The following CDC14A variants were observed in gnomAD, a reference collection of about 807,000 sequenced individuals.
CDC14A encodes dual specificity protein phosphatase CDC14A.
In CDC14A, 53 loss-of-function variants were observed where a neutral mutation model predicts 74.4. The ratio of observed to expected loss-of-function variants is 0.71; its 90% CI spans 0.57 to 0.89. The LOEUF (loss-of-function observed/expected upper bound fraction) is 0.89, where lower values mean the gene tolerates loss of function less well. Ranked by LOEUF, CDC14A falls within the 40% of genes least tolerant of loss-of-function variation. The probability of loss-of-function intolerance (pLI) is 0.00; values close to 1 mark genes in which losing one functional copy is unlikely to be tolerated. For missense variants in CDC14A, 646 were observed against 713.7 expected (o/e 0.91, Z 1.08); for synonymous variants, 247 against 258.4 (o/e 0.96, Z 0.43).
At chr1:100,427,369 C>T (rs1201986090) in intron 5 of CDC14A, among the ~76,000 whole-genome samples, 1 of 151,980 alleles carries the variant, frequency 6.6e-6, no homozygotes, top group Non-Finnish European at 1.5e-5. Context: ...TCTGTGTTCC[C>T]ATTTGTGCTA....
At chr1:100,450,488 C>T (rs1666025617) in intron 7 of CDC14A, among the ~76,000 whole-genome samples, 1 of 152,168 alleles carries the variant, frequency 6.6e-6, no homozygotes, top group African/African-American at 2.4e-5. Context: ...ATGTCCTCAC[C>T]ACCTGGAGCA....
chr1:100,372,803 C>T (rs141811799), intron 2 of CDC14A, among the ~76,000 whole-genome samples: 2 of 152,206 alleles, frequency 1.3e-5, no homozygotes, highest in African/African-American at 4.8e-5. Flanking sequence ...GAACCAACCT[C>T]TGCTAACTTC....
intron 11 of CDC14A, 109 bp downstream of exon 11, chr1:100,484,560 C>T: frequency 2.2e-6 from 3 of 1,343,902 alleles, no homozygotes; most frequent in Non-Finnish European, 2.9e-6. Flanking sequence ...GCCACGAGTA[C>T]CAAGTTTTTA....
Position 100,352,564 on chromosome 1 carries a change from C to T in CDC14A, c.-391C>T. On this transcript the variant is annotated 5_prime_UTR_variant, in exon 1 of 16. In the 5' UTR this introduces an upstream ATG that the reference lacks. Transcript: ENST00000336454. ...CTCCCGGCTGCCGCTCGAGTAGCCACGGGCGCGATCGGGACCAGAAGTCTC... is the reference window on the plus strand; with the variant it reads ...CTCCCGGCTGCCGCTCGAGTAGCCATGGGCGCGATCGGGACCAGAAGTCTC... 9.6e-7 allele frequency: 1 copy of T among 1,045,816 alleles called. No homozygotes were observed. The highest frequency in any genetic ancestry group is 1.2e-6 in the Non-Finnish European group (1 of 869,146). 64.8% of individuals were successfully genotyped at this position (1,045,816 alleles called of 1,614,324 possible). A position where few individuals can be genotyped will look rare whatever the true frequency, so the allele number is the denominator to read the frequency against.
chr1:100,489,218 C>T (rs1176769060), intron 11 of CDC14A, among the ~76,000 whole-genome samples: 1 of 152,188 alleles, frequency 6.6e-6, no homozygotes, highest in African/African-American at 2.4e-5. Flanking sequence ...ATGACCCAGC[C>T]ACCTTTCCTA....
At chr1:100,467,460 A>G (rs1235472070) in intron 9 of CDC14A, among the ~76,000 whole-genome samples, 1 of 152,062 alleles carries the variant, frequency 6.6e-6, no homozygotes, top group Non-Finnish European at 1.5e-5. Flanking sequence ...TTTTCTAACT[A>G]AATGTTTTCA....
chr1:100,457,260 T>C (rs1419139653), intron 8 of CDC14A, among the ~76,000 whole-genome samples: 2 of 152,234 alleles, frequency 1.3e-5, no homozygotes, highest in East Asian at 1.9e-4. Context: ...TATGGATACA[T>C]GCATTTTGAA....
intron 4 of CDC14A, among the ~76,000 whole-genome samples, chr1:100,423,287 C>A (rs1288438637): frequency 6.6e-6 from 1 of 152,086 alleles, no homozygotes; most frequent in Non-Finnish European, 1.5e-5. Flanking sequence ...CATTCTCATG[C>A]CTGGATAGCC....
chr1:100,440,822 C>T (rs1283258928), intron 6 of CDC14A, among the ~76,000 whole-genome samples: 1 of 152,104 alleles, frequency 6.6e-6, no homozygotes, highest in African/African-American at 2.4e-5. Flanking sequence ...AAATGTGCTA[C>T]CTGTTTTATA....
chr1:100,485,467 A>C (rs1669933701), intron 11 of CDC14A: 1 of 253,766 alleles, frequency 3.9e-6, no homozygotes, highest in African/African-American at 2.3e-5. Flanking sequence ...TGGGAGACTG[A>C]GGTGGGAGGA....
chr1:100,371,715 A>C (rs1178764890), intron 2 of CDC14A, among the ~76,000 whole-genome samples: 1 of 152,156 alleles, frequency 6.6e-6, no homozygotes, highest in Non-Finnish European at 1.5e-5. Flanking sequence ...ATTTTTATGG[A>C]TAACTTGAAT....
intron 2 of CDC14A, among the ~76,000 whole-genome samples, chr1:100,359,821 A>C (rs997713812): frequency 2.0e-5 from 3 of 151,680 alleles, no homozygotes; most frequent in African/African-American, 4.8e-5. Flanking sequence ...TCCAAAAAAA[A>C]CCCTCAGAAA....
At chr1:100,423,142 T>C (rs563745516) in intron 4 of CDC14A, among the ~76,000 whole-genome samples, 10 of 152,210 alleles carry the variant, frequency 6.6e-5, no homozygotes, top group Non-Finnish European at 1.3e-4. Flanking sequence ...CCCAGTGGTT[T>C]GTATTGCTCT....
chr1:100,466,622 G>C (rs1170739997), intron 9 of CDC14A, among the ~76,000 whole-genome samples: 1 of 152,128 alleles, frequency 6.6e-6, no homozygotes, highest in Admixed American at 6.5e-5. Flanking sequence ...TGTAATCCTA[G>C]CACTTTGGGA....
intron 15 of CDC14A, among the ~76,000 whole-genome samples, chr1:100,502,696 G>A (rs1220870498): frequency 6.6e-6 from 1 of 152,078 alleles, no homozygotes; most frequent in East Asian, 1.9e-4. Flanking sequence ...CTACTTTTTT[G>A]TTTTCCTCTT....
chr1:100,379,121 C>T (rs1173894494), intron 3 of CDC14A, among the ~76,000 whole-genome samples: 1 of 151,948 alleles, frequency 6.6e-6, no homozygotes, highest in African/African-American at 2.4e-5. Flanking sequence ...TCTAGGGTAG[C>T]CAAAGAGAAA....
chr1:100,455,603 T>A, intron 8 of CDC14A, 111 bp downstream of exon 8: 1 of 688,960 alleles, frequency 1.5e-6, no homozygotes. Flanking sequence ...AAAGAATATT[T>A]ATTCATAATT....
At chr1:100,406,396 T>G (rs1432167229) in intron 4 of CDC14A, among the ~76,000 whole-genome samples, 1 of 152,252 alleles carries the variant, frequency 6.6e-6, no homozygotes, top group Non-Finnish European at 1.5e-5. Context: ...AGATCCCATT[T>G]GTCAATTTTT....
chr1:100,503,505 A>G (rs1648964524), intron 15 of CDC14A, among the ~76,000 whole-genome samples: 1 of 152,234 alleles, frequency 6.6e-6, no homozygotes, highest in African/African-American at 2.4e-5. Context: ...GCAGCAGTTC[A>G]GCCCCCAGAA....
Sources: allele counts gnomAD v4.1 joint callset (sites outside exome capture counted in the v4.1 genomes callset), GRCh38; gene constraint gnomAD v4.1.1; transcripts MANE v1.5; gene names NCBI Gene and HGNC (gene_info 2026-07-23, HGNC 2026-07-21).